The following NAALADL2 variants were observed in gnomAD, a reference collection of about 807,000 sequenced individuals.
NAALADL2 encodes inactive N-acetylated-alpha-linked acidic dipeptidase-like protein 2.
In NAALADL2, 76 loss-of-function variants were observed where a neutral mutation model predicts 87.2. The ratio of observed to expected loss-of-function variants is 0.87; its 90% CI spans 0.72 to 1.05. The LOEUF is 1.05. Among genes scored for constraint, NAALADL2 ranks in the 50% least tolerant of loss-of-function variants. The pLI is 0.00. For synonymous variants in NAALADL2, 354 were observed against 331.0 expected, an observed-to-expected ratio of 1.07 and a Z score of -0.75; for missense variants, 1,089 against 945.8, an observed-to-expected ratio of 1.15 and a Z score of -1.99.
chr3:174,994,385 T>C (rs1747149925), intron 1 of NAALADL2, among the ~76,000 whole-genome samples: 2 of 152,232 alleles, frequency 1.3e-5, no homozygotes, highest in African/African-American at 2.4e-5. Flanking sequence ...CATGTCTCCA[T>C]GGCATTTCAA....
intron 1 of NAALADL2, among the ~76,000 whole-genome samples, chr3:174,481,325 G>A (rs538064947): frequency 6.6e-6 from 1 of 152,112 alleles, no homozygotes; most frequent in African/African-American, 2.4e-5. Flanking sequence ...TAACATGAGG[G>A]GCATTCATAA....
chr3:174,753,047 C>T (rs1473203684), intron 3 of NAALADL2, among the ~76,000 whole-genome samples: 6 of 152,228 alleles, frequency 3.9e-5, no homozygotes, highest in African/African-American at 7.2e-5. Flanking sequence ...GTTTTGTGTA[C>T]GTATCTCTAA....
chr3:175,540,293 C>T (rs6443310), intron 9 of NAALADL2, among the ~76,000 whole-genome samples: 141,717 of 152,166 alleles, frequency 0.93, 66,081 homozygotes, highest in Admixed American at 0.96. Context: ...GTGATCCTTA[C>T]GGATATGTCT....
intron 2 of NAALADL2, among the ~76,000 whole-genome samples, chr3:174,711,792 A>C (rs2065316394): frequency 6.6e-6 from 1 of 152,098 alleles, no homozygotes; most frequent in African/African-American, 2.4e-5. Context: ...TTCAAGATAA[A>C]CATATGAATT....
At chr3:175,575,961 G>T (rs1265532788) in intron 9 of NAALADL2, 80 bp from the exon 10 acceptor site, 1 of 1,169,486 alleles carries the variant, frequency 8.6e-7, no homozygotes, top group Non-Finnish European at 1.2e-6. Flanking sequence ...CTGATCTGTG[G>T]ACCATGTTTT....
At chr3:175,282,166 G>T (rs1754396156) in intron 4 of NAALADL2, among the ~76,000 whole-genome samples, 1 of 151,870 alleles carries the variant, frequency 6.6e-6, no homozygotes, top group South Asian at 2.1e-4. Flanking sequence ...TAAATGAAAA[G>T]ACTGAAACAG....
At chr3:174,466,757 A>T (rs1286515743) in intron 1 of NAALADL2, among the ~76,000 whole-genome samples, 1 of 152,158 alleles carries the variant, frequency 6.6e-6, no homozygotes, top group Non-Finnish European at 1.5e-5. Flanking sequence ...CTTTCTCTTC[A>T]TTATCAACCT....
At chr3:175,776,216 T>A (rs1750215655) in intron 13 of NAALADL2, 1 of 151,970 alleles carries the variant, frequency 6.6e-6, no homozygotes, top group Non-Finnish European at 1.5e-5. Context: ...AAATCAGACA[T>A]TCTCCCCTCA....
At chr3:175,545,011 C>A (rs1212698164) in intron 9 of NAALADL2, among the ~76,000 whole-genome samples, 2 of 152,136 alleles carry the variant, frequency 1.3e-5, no homozygotes, top group Non-Finnish European at 2.9e-5. Flanking sequence ...TCTGGAATAA[C>A]AATAATGCTA....
intron 11 of NAALADL2, among the ~76,000 whole-genome samples, chr3:175,729,685 A>C (rs1000802015): frequency 2.6e-5 from 4 of 152,002 alleles, no homozygotes; most frequent in African/African-American, 9.7e-5. Context: ...ACAGTCTCCG[A>C]ATCTGTTGTG....
At chr3:175,067,475 CA>C (rs1268355843) in intron 1 of NAALADL2, among the ~76,000 whole-genome samples, 1 of 152,072 alleles carries the variant, frequency 6.6e-6, no homozygotes, top group East Asian at 1.9e-4. Context: ...CAGCGGCCAA[CA>C]GACGTATGAA....
At chr3:174,926,165 G>T (rs1331231201) in intron 1 of NAALADL2, among the ~76,000 whole-genome samples, 2 of 152,086 alleles carry the variant, frequency 1.3e-5, no homozygotes, top group Non-Finnish European at 2.9e-5. Flanking sequence ...GAAAAAAAGA[G>T]TAAAAAGAAA....
chr3:175,592,307 CTTTTTTTTTTTT>C (rs758914649), intron 10 of NAALADL2, among the ~76,000 whole-genome samples: 1 of 43,250 alleles, frequency 2.3e-5, no homozygotes, highest in Admixed American at 2.4e-4. Flanking sequence ...TTTTTCTTTT[CTTTTTTTTTTTT>C]TTTTTGTCAG....
At chr3:174,706,626 A>C (rs561290760) in intron 2 of NAALADL2, among the ~76,000 whole-genome samples, 1 of 152,276 alleles carries the variant, frequency 6.6e-6, no homozygotes, top group East Asian at 1.9e-4. Flanking sequence ...GCTGTGCAGA[A>C]GCTCTTTAGT....
At chr3:175,352,186 A>AG (rs1224619795) in intron 5 of NAALADL2, among the ~76,000 whole-genome samples, 1 of 128,834 alleles carries the variant, frequency 7.8e-6, no homozygotes, top group Non-Finnish European at 1.7e-5. Context: ...TTTTTTTTTA[A>AG]TGGGGGCTAG....
chr3:174,893,760 A>C (rs1431570831), intron 1 of NAALADL2, among the ~76,000 whole-genome samples: 1 of 152,190 alleles, frequency 6.6e-6, no homozygotes, highest in East Asian at 1.9e-4. Flanking sequence ...TTATATCACC[A>C]GGGAAAATCA....
At chr3:174,658,309 A>C (rs1578450252) in intron 2 of NAALADL2, among the ~76,000 whole-genome samples, 1 of 152,020 alleles carries the variant, frequency 6.6e-6, no homozygotes, top group East Asian at 1.9e-4. Flanking sequence ...CATTTTCATC[A>C]TTCTAGTGAT....
chr3:175,418,135 A>G (rs971455731), intron 5 of NAALADL2, among the ~76,000 whole-genome samples: 4 of 152,112 alleles, frequency 2.6e-5, no homozygotes, highest in African/African-American at 9.7e-5. Context: ...AGAAAAAGAG[A>G]AAGGGGATAT....
At chr3:174,454,597 G>A (rs58648193) in intron 1 of NAALADL2, among the ~76,000 whole-genome samples, 4,452 of 152,072 alleles carry the variant, frequency 0.029, 203 homozygotes, top group African/African-American at 0.1. Flanking sequence ...GCTCAAAACC[G>A]TACTATTACA....
Sources: allele counts gnomAD v4.1 joint callset (sites outside exome capture counted in the v4.1 genomes callset), GRCh38; gene constraint gnomAD v4.1.1; transcripts MANE v1.5; gene names NCBI Gene and HGNC (gene_info 2026-07-23, HGNC 2026-07-21).